The following CDK7 variants were observed in gnomAD, a reference collection of about 807,000 sequenced individuals.
The protein encoded by CDK7 is cyclin dependent kinase 7.
In CDK7, 25 loss-of-function variants were observed where a neutral mutation model predicts 49.1. The ratio of observed to expected loss-of-function variants is 0.51; its 90% CI spans 0.37 to 0.71. The LOEUF (loss-of-function observed/expected upper bound fraction) is 0.71. Ranked by LOEUF, CDK7 falls within the 30% of genes least tolerant of loss-of-function variation. The pLI, the probability that CDK7 is intolerant of heterozygous loss-of-function variation, is 0.00. For synonymous variants in CDK7, 107 were observed against 140.0 expected, an observed-to-expected ratio of 0.76 and a Z score of 1.67; for missense variants, 316 against 411.7, an observed-to-expected ratio of 0.77 and a Z score of 2.01.
intron 9 of CDK7, among the ~76,000 whole-genome samples, chr5:69,270,313 G>A (rs187247049): frequency 1.8e-4 from 27 of 152,202 alleles, no homozygotes; most frequent in African/African-American, 6.5e-4. Context: ...GCTTGGTGGT[G>A]CACACATTAT....
At chr5:69,242,198 C>A (rs1394747323) in intron 2 of CDK7, among the ~76,000 whole-genome samples, 2 of 152,072 alleles carry the variant, frequency 1.3e-5, no homozygotes, top group Non-Finnish European at 2.9e-5. Flanking sequence ...ACAGGGCCAA[C>A]CAAGTGAGGA....
At chr5:69,234,812 G>A, upstream of CDK7, 1 of 683,220 alleles carries the variant, frequency 1.5e-6, no homozygotes, top group Non-Finnish European at 2.5e-6. Context: ...CAACCGCCTG[G>A]GCCTAGCGCA....
At chr5:69,275,457 A>G (rs1752020421) in intron 10 of CDK7, among the ~76,000 whole-genome samples, 1 of 152,196 alleles carries the variant, frequency 6.6e-6, no homozygotes, top group African/African-American at 2.4e-5. Context: ...AGAGTTCAAT[A>G]TGTAGAGAAT....
intron 10 of CDK7, among the ~76,000 whole-genome samples, chr5:69,276,131 C>T (rs1752112882): frequency 6.6e-6 from 1 of 152,052 alleles, no homozygotes; most frequent in Non-Finnish European, 1.5e-5. Flanking sequence ...TGGGTTCAAG[C>T]GATTCTCCTA....
chr5:69,248,844 C>G lies in CDK7; in HGVS notation c.127-3574C>G, dbSNP rs1300136113. Among the ~76,000 whole-genome samples the G allele has an allele frequency of 4.1e-5, 3 of 74,012 alleles. No homozygotes were observed. The East Asian group carries it at 1.3e-3, about 31-fold the overall frequency. The allele number at this position is 74,012 out of a possible 152,430, so 48.6% of individuals were successfully genotyped here. A position where few individuals can be genotyped will look rare whatever the true frequency, so the allele number is the denominator to read the frequency against. ...TGGAGACGGAGTCTTGTTTTTCTTG[C>G]CCAGGCTGGAGTGCAGTGGCACAGT... is the stretch of plus-strand genomic sequence containing the variant. On this transcript the variant is annotated intron_variant, in intron 2 of 11. Transcript: ENST00000256443.
At chr5:69,252,923 G>GA (rs928129409) in intron 3 of CDK7, among the ~76,000 whole-genome samples, 1 of 152,172 alleles carries the variant, frequency 6.6e-6, no homozygotes, top group Non-Finnish European at 1.5e-5. Context: ...TCAGCATAGA[G>GA]AAGGAGTATT....
intron 8 of CDK7, among the ~76,000 whole-genome samples, chr5:69,262,864 A>G (rs528147341): frequency 2.0e-5 from 3 of 152,110 alleles, no homozygotes; most frequent in Admixed American, 1.3e-4. Context: ...GAACATAGAA[A>G]TTCACTTGTA....
At chr5:69,236,630 A>T (rs952091769) in intron 2 of CDK7, among the ~76,000 whole-genome samples, 2 of 151,494 alleles carry the variant, frequency 1.3e-5, no homozygotes, top group Non-Finnish European at 2.9e-5. Flanking sequence ...TCCTGCCATA[A>T]TTTTTTTATT....
intron 8 of CDK7, among the ~76,000 whole-genome samples, chr5:69,263,066 A>G (rs908865847): frequency 7.9e-5 from 12 of 152,158 alleles, no homozygotes; most frequent in Admixed American, 5.9e-4. Context: ...AACAGATACA[A>G]TGTTACTATA....
chr5:69,247,559 G>A (rs186973736), intron 2 of CDK7, among the ~76,000 whole-genome samples: 45 of 150,884 alleles, frequency 3.0e-4, no homozygotes, highest in South Asian at 6.3e-4. Context: ...TGATTGAAGC[G>A]TTTAGCCCAT....
At chr5:69,252,556 C>T (rs1238571566) in intron 3 of CDK7, 105 bp downstream of exon 3, 1 of 656,422 alleles carries the variant, frequency 1.5e-6, no homozygotes, top group Non-Finnish European at 2.5e-6. Flanking sequence ...GTCACCCAGG[C>T]TGGAGTACTG....
chr5:69,270,504 C>G (rs1403472112), intron 9 of CDK7, among the ~76,000 whole-genome samples: 1 of 152,140 alleles, frequency 6.6e-6, no homozygotes, highest in African/African-American at 2.4e-5. Context: ...CTAGCTTTTA[C>G]AAGATGGGAG....
At chr5:69,273,075 AT>A (rs1394363335) in intron 10 of CDK7, 34 bp downstream of exon 10, 1 of 1,386,456 alleles carries the variant, frequency 7.2e-7, no homozygotes, top group African/African-American at 1.4e-5. Context: ...ACTAGGAAAT[AT>A]AAAAATAATC....
Position 69,234,918 on chromosome 5 carries a change from A to ATTT in CDK7, c.-56_-55insTTT. The stretch of plus-strand genomic sequence containing the variant: ...GTTGGAGGCTTTAAGGTAGCTTTAA[A>ATTT]TTCGTGTTGTCCTGGGAGCTCGCCC... On this transcript the variant is annotated 5_prime_UTR_variant, in exon 1 of 12. Coordinates refer to ENST00000256443, the MANE Select transcript of CDK7 (RefSeq NM_001799.4). The ATTT allele has an allele frequency of 6.6e-7, 1 of 1,522,660 alleles. No individual in the cohort carries two copies. Among genetic ancestry groups the ATTT allele is most frequent in the Non-Finnish European group, 8.9e-7 (1 of 1,118,726 alleles). The allele number at this position is 1,522,660 out of a possible 1,614,324, so 94.3% of individuals were successfully genotyped here. A position where few individuals can be genotyped will look rare whatever the true frequency, so the allele number is the denominator to read the frequency against.
chr5:69,249,664 T>C (rs2150197627), intron 2 of CDK7, among the ~76,000 whole-genome samples: 1 of 152,310 alleles, frequency 6.6e-6, no homozygotes, highest in South Asian at 2.1e-4. Flanking sequence ...CTGACCAACA[T>C]GGTGAAGCCT....
chr5:69,258,129 A>C lies in CDK7; in HGVS notation c.384A>C (p.Leu128Phe). The change falls in exon 6 of 12, where the codon TTA becomes TTC. Residue 128 changes from leucine to phenylalanine, a missense_variant. Leu to Phe is a conservative substitution (Grantham distance 22). Transcript: ENST00000256443. ...TGACTCTTCAAGGATTAGAATATTT[A>C]CATCAACATTGGATCCTACATAGGG... is the stretch of plus-strand genomic sequence containing the variant. ...MLMTLQGLEY[L>F]HQHWILHRDL... 6.4e-7 allele frequency: 1 copy of C among 1,569,506 alleles called. No homozygotes were observed. The highest frequency in any genetic ancestry group is 1.1e-5 in the South Asian group (1 of 87,228).
intron 8 of CDK7, among the ~76,000 whole-genome samples, chr5:69,264,952 C>CA (rs1298292376): frequency 1.3e-5 from 2 of 149,144 alleles, no homozygotes; most frequent in African/African-American, 5.0e-5. Flanking sequence ...GCCTGGGCAA[C>CA]AAATGTGAAA....
At chr5:69,235,916 C>G (rs1748938735) in intron 2 of CDK7, among the ~76,000 whole-genome samples, 1 of 152,176 alleles carries the variant, frequency 6.6e-6, no homozygotes, top group African/African-American at 2.4e-5. Context: ...AGACCTGGGT[C>G]GGATTCAGTA....
Position 69,259,995 on chromosome 5 carries a change from C to T in CDK7, c.527+59C>T. 4.0e-6 allele frequency: 4 copies of T among 990,172 alleles called. No homozygotes were observed. In the South Asian group the frequency reaches 5.3e-5, roughly 13 times the overall value. The allele number at this position is 990,172 out of a possible 1,614,324, so 61.3% of individuals were successfully genotyped here. ...TTGATCAGAAATGAGCATCAACTGG[C>T]TTCTCTGAACTATCTTGGCAGAGTT... On this transcript the variant is annotated intron_variant, in intron 7 of 11. Coordinates refer to ENST00000256443, the MANE Select transcript of CDK7 (RefSeq NM_001799.4).
Sources: allele counts gnomAD v4.1 joint callset (sites outside exome capture counted in the v4.1 genomes callset), GRCh38; gene constraint gnomAD v4.1.1; transcripts MANE v1.5; gene names NCBI Gene and HGNC (gene_info 2026-07-23, HGNC 2026-07-21).